PRTG: variants seen among roughly 807,000 people sequenced by gnomAD.
PRTG encodes the protein immunoglobulin superfamily, DCC subclass, member 5.
A neutral mutation model predicts 122.5 loss-of-function variants in PRTG; 67 were observed. The ratio of observed to expected loss-of-function variants is 0.55; its 90% CI spans 0.45 to 0.67. The LOEUF is 0.67. PRTG is among the 30% of genes least tolerant of loss of function. The probability of loss-of-function intolerance (pLI) is 0.00; values close to 1 mark genes in which losing one functional copy is unlikely to be tolerated. For missense variants in PRTG, 1,435 were observed against 1,415.4 expected, an observed-to-expected ratio of 1.01 and a Z score of -0.22; for synonymous variants, 554 against 501.1, an observed-to-expected ratio of 1.11 and a Z score of -1.41.
chr15:55,729,320 T>C (rs1359604954), intron 2 of PRTG, among the ~76,000 whole-genome samples: 1 of 152,088 alleles, frequency 6.6e-6, no homozygotes, highest in Non-Finnish European at 1.5e-5. Context: ...TATAGGCACA[T>C]CCACTGAGAC....
intron 15 of PRTG, among the ~76,000 whole-genome samples, chr15:55,635,408 G>A (rs988925532): frequency 6.6e-6 from 1 of 152,122 alleles, no homozygotes; most frequent in African/African-American, 2.4e-5. Context: ...GCCGTTTTTA[G>A]ACTACTCAGA....
At chr15:55,734,488 A>C (rs1333023970) in intron 2 of PRTG, among the ~76,000 whole-genome samples, 1 of 152,050 alleles carries the variant, frequency 6.6e-6, no homozygotes, top group Non-Finnish European at 1.5e-5. Context: ...TTAAGGACTA[A>C]ATCCAATAAG....
At chr15:55,652,504 T>G (rs1221901979) in intron 11 of PRTG, among the ~76,000 whole-genome samples, 1 of 152,138 alleles carries the variant, frequency 6.6e-6, no homozygotes, top group African/African-American at 2.4e-5. Context: ...CCAGGGTGAC[T>G]GCACTGCCCC....
At chr15:55,723,020 A>C (rs2030888516) in intron 2 of PRTG, among the ~76,000 whole-genome samples, 1 of 152,194 alleles carries the variant, frequency 6.6e-6, no homozygotes, top group Admixed American at 6.5e-5. Context: ...GTTTCCCCTG[A>C]CAAACAAAAG....
At position 55,680,181 on chromosome 15, in the gene PRTG, C is replaced by T. The variant is rs1341321734; in HGVS notation, c.846G>A (p.Arg282=). ...DHKSIDVFNT[R]VLGNGNLMIS... ...TCATGAGATTACCATTTCCAAGTACCCGAGTATTAAAGACATCAATGGATT... is the reference window on the plus strand; with the variant it reads ...TCATGAGATTACCATTTCCAAGTACTCGAGTATTAAAGACATCAATGGATT... Residue 282 remains arginine, a synonymous_variant, in exon 6 of 20, where the codon CGG becomes CGA. Transcript: ENST00000389286. 6.2e-7 allele frequency: 1 copy of T among 1,611,118 alleles called. No individual in the cohort carries two copies. The highest frequency in any genetic ancestry group is 1.3e-5 in the African/African-American group (1 of 74,792).
intron 11 of PRTG, among the ~76,000 whole-genome samples, chr15:55,670,349 T>C (rs2059462466): frequency 6.6e-6 from 1 of 152,188 alleles, no homozygotes; most frequent in Admixed American, 6.5e-5. Flanking sequence ...ATTCATATTT[T>C]AACAGTGAGA....
chr15:55,634,913 C>A (rs1198522656), intron 15 of PRTG, among the ~76,000 whole-genome samples: 1 of 152,140 alleles, frequency 6.6e-6, no homozygotes, highest in African/African-American at 2.4e-5. Flanking sequence ...CGATTCACAC[C>A]CCTGTAGCCC....
intron 15 of PRTG, among the ~76,000 whole-genome samples, chr15:55,633,708 GC>G (rs1431657521): frequency 6.6e-6 from 1 of 151,914 alleles, no homozygotes; most frequent in African/African-American, 2.4e-5. Flanking sequence ...TATATTCCTT[GC>G]TTTTTGTTTA....
chr15:55,698,377 A>C lies in PRTG; in HGVS notation c.398-14446T>G, dbSNP rs529174170. ...GTGATCTTGGCTCACTGTAGCCTCAACTTCCCGGGCTACAGCAATCCTCCC... is the reference window on the plus strand; with the variant it reads ...GTGATCTTGGCTCACTGTAGCCTCACCTTCCCGGGCTACAGCAATCCTCCC... On this transcript the variant is annotated intron_variant, in intron 2 of 19. Transcript: ENST00000389286. 2.0e-5 allele frequency among the ~76,000 whole-genome samples: 3 copies of C among 152,186 alleles called. No individual in the cohort carries two copies. The South Asian group carries it at 6.2e-4, about 32-fold the overall frequency.
intron 2 of PRTG, among the ~76,000 whole-genome samples, chr15:55,684,182 TA>T (rs921613433): frequency 6.6e-6 from 1 of 152,194 alleles, no homozygotes; most frequent in African/African-American, 2.4e-5. Flanking sequence ...TATTTGGAGA[TA>T]AAAAGTTAAC....
chr15:55,642,238 TAATC>T (rs2059295959), intron 11 of PRTG, among the ~76,000 whole-genome samples: 2 of 131,342 alleles, frequency 1.5e-5, no homozygotes, highest in Admixed American at 1.5e-4. Context: ...ATTTAAGAAA[TAATC>T]AAGAAGTTTA....
intron 2 of PRTG, among the ~76,000 whole-genome samples, chr15:55,732,552 T>C (rs1346582972): frequency 7.0e-6 from 1 of 143,612 alleles, no homozygotes; most frequent in African/African-American, 2.6e-5. Context: ...TGAAGTGCAA[T>C]GGCGCGATCT....
chr15:55,612,737 T>TATATATATATATATACATAC lies in PRTG; in HGVS notation c.*7274_*7275insGTATGTATATATATATATAT, dbSNP rs1567067860. The TATATATATATATATACATAC allele has an allele frequency of 1.8e-5, 1 of 54,314 alleles. No individual in the cohort carries two copies. The highest frequency in any genetic ancestry group is 4.6e-5 in the African/African-American group (1 of 21,652). The allele number at this position is 54,314 out of a possible 1,614,324, so 3.4% of individuals were successfully genotyped here. ...ATATATATATATATATATATATATA[T>TATATATATATATATACATAC]ATATATATATATGACTTAAATTGGA... On this transcript the variant is annotated 3_prime_UTR_variant, in exon 20 of 20. Coordinates refer to ENST00000389286, the MANE Select transcript of PRTG (RefSeq NM_173814.6).
chr15:55,719,745 G>A (rs2030738433), intron 2 of PRTG, among the ~76,000 whole-genome samples: 1 of 152,032 alleles, frequency 6.6e-6, no homozygotes, highest in Admixed American at 6.6e-5. Flanking sequence ...TTAAGTTTTA[G>A]GCAAAATTCT....
intron 11 of PRTG, among the ~76,000 whole-genome samples, chr15:55,671,492 CTTTTCTT>C (rs1005013827): frequency 6.6e-6 from 1 of 152,070 alleles, no homozygotes; most frequent in East Asian, 1.9e-4. Flanking sequence ...TCCATGTATT[CTTTTCTT>C]TTTTCTTTTT....
intron 7 of PRTG, among the ~76,000 whole-genome samples, chr15:55,678,518 T>C (rs565210403): frequency 1.3e-5 from 2 of 152,308 alleles, no homozygotes; most frequent in South Asian, 4.2e-4. Context: ...AGCACTGGGA[T>C]TACTGGCTAG....
chr15:55,637,701 T>C (rs2059265736), intron 14 of PRTG, among the ~76,000 whole-genome samples: 1 of 152,086 alleles, frequency 6.6e-6, no homozygotes. Context: ...CTTACTAACA[T>C]GTATAGAACA....
rs576733715 is a variant in PRTG, at chr15:55,738,565, T to G, written c.397+1817A>C. The stretch of plus-strand genomic sequence containing the variant: ...ACAGGATTCTACAAACTCTAAAAGG[T>G]GGGAAAATAACAACTCTATAGAACA... On this transcript the variant is annotated intron_variant, in intron 2 of 19. Coordinates refer to ENST00000389286, the MANE Select transcript of PRTG (RefSeq NM_173814.6). 4 of 698,144 alleles carry G rather than the reference T, an allele frequency of 5.7e-6. No homozygotes were observed. The Admixed American group carries it at 8.1e-5, about 14-fold the overall frequency. 43.2% of individuals were successfully genotyped at this position (698,144 alleles called of 1,614,324 possible).
intron 15 of PRTG, among the ~76,000 whole-genome samples, chr15:55,632,315 T>C (rs1230055567): frequency 6.6e-6 from 1 of 152,174 alleles, no homozygotes; most frequent in African/African-American, 2.4e-5. Context: ...CAACAGCTTA[T>C]TACTTTCACC....
Sources: allele counts gnomAD v4.1 joint callset (sites outside exome capture counted in the v4.1 genomes callset), GRCh38; gene constraint gnomAD v4.1.1; transcripts MANE v1.5; gene names NCBI Gene and HGNC (gene_info 2026-07-23, HGNC 2026-07-21).